PROCR: variants seen among roughly 807,000 people sequenced by gnomAD.
PROCR encodes endothelial protein C receptor.
PROCR carries 22 observed loss-of-function variants against 24.2 expected under a neutral mutation model. That is an observed-to-expected ratio of 0.91 (90% CI 0.65 to 1.30). PROCR has a LOEUF of 1.30. Ranked by LOEUF, PROCR falls within the 50% of genes most tolerant of loss-of-function variation. The pLI, the probability that PROCR is intolerant of heterozygous loss-of-function variation, is 0.00. For synonymous variants in PROCR, 137 were observed against 139.2 expected, an observed-to-expected ratio of 0.98 and a Z score of 0.11; for missense variants, 288 against 307.7, an observed-to-expected ratio of 0.94 and a Z score of 0.48.
downstream of PROCR, among the ~76,000 whole-genome samples, chr20:35,181,020 C>A (rs1332112441): frequency 6.6e-6 from 1 of 152,152 alleles, no homozygotes; most frequent in African/African-American, 2.4e-5. Flanking sequence ...GCATGTGCCA[C>A]CACGCCCGGC....
At chr20:35,193,945 T>C (rs1448228705) in intron 1 of PROCR, among the ~76,000 whole-genome samples, 1 of 152,124 alleles carries the variant, frequency 6.6e-6, no homozygotes, top group Admixed American at 6.5e-5. Flanking sequence ...ATTTAAAGGC[T>C]GGAAATTGAG....
chr20:35,206,466 C>A, intron 1 of PROCR, among the ~76,000 whole-genome samples: 1 of 89,738 alleles, frequency 1.1e-5, no homozygotes, highest in African/African-American at 5.1e-5. Context: ...CAGTGTGAGA[C>A]TCTATCTCAA....
downstream of PROCR, among the ~76,000 whole-genome samples, chr20:35,178,507 G>GTTTTTTTTTTT (rs1203789471): frequency 9.3e-4 from 32 of 34,374 alleles, 7 homozygotes; most frequent in African/African-American, 4.9e-3. Context: ...TCAAGTCTCA[G>GTTTTTTTTTTT]TTTTTTTTTT....
At chr20:35,177,443 C>CTTTTTTTTTTTTTTTTTTT (rs397865849), downstream of PROCR, 1 of 512,368 alleles carries the variant, frequency 2.0e-6, no homozygotes. Flanking sequence ...CTCACTCATT[C>CTTTTTTTTTTTTTTTTTTT]TTTTTTTTTT....
chr20:35,175,097 T>C, intron 2 of PROCR, 144 bp downstream of exon 2: 1 of 1,004,094 alleles, frequency 1.0e-6, no homozygotes, highest in Non-Finnish European at 1.4e-6. Context: ...CGCCTGGGCC[T>C]TTGAAGATTG....
At chr20:35,204,175 A>G (rs1365100267) in intron 1 of PROCR, among the ~76,000 whole-genome samples, 1 of 152,234 alleles carries the variant, frequency 6.6e-6, no homozygotes, top group African/African-American at 2.4e-5. Flanking sequence ...TTGACAACTT[A>G]GAGGAAATGG....
At chr20:35,173,142 G>T (rs749639055) in intron 1 of PROCR, among the ~76,000 whole-genome samples, 23 of 152,060 alleles carry the variant, frequency 1.5e-4, no homozygotes, top group Non-Finnish European at 2.6e-4. Flanking sequence ...TTACAACCCC[G>T]GACTCATCCA....
At chr20:35,198,732 T>G (rs2060308369) in intron 1 of PROCR, among the ~76,000 whole-genome samples, 1 of 151,624 alleles carries the variant, frequency 6.6e-6, no homozygotes, top group African/African-American at 2.4e-5. Flanking sequence ...TTTTTTTTTT[T>G]GAGATGGAGT....
chr20:35,189,660 G>A (rs2086156782), intron 1 of PROCR, among the ~76,000 whole-genome samples: 1 of 152,122 alleles, frequency 6.6e-6, no homozygotes, highest in Non-Finnish European at 1.5e-5. Context: ...CACGGAACCT[G>A]CCGACATGTG....
At chr20:35,180,858 GTT>G (rs150939404), downstream of PROCR, among the ~76,000 whole-genome samples, 1 of 144,492 alleles carries the variant, frequency 6.9e-6, no homozygotes, top group African/African-American at 2.5e-5. Context: ...TTTGTTTTTT[GTT>G]TTTTGTTTTG....
chr20:35,198,523 G>T (rs972419532), intron 1 of PROCR, among the ~76,000 whole-genome samples: 10 of 152,110 alleles, frequency 6.6e-5, no homozygotes, highest in Non-Finnish European at 1.5e-4. Context: ...GCATAAGTTG[G>T]CTCCTGAGGT....
chr20:35,194,593 G>A (rs1047003063), intron 1 of PROCR, among the ~76,000 whole-genome samples: 6 of 152,202 alleles, frequency 3.9e-5, no homozygotes, highest in African/African-American at 1.4e-4. Flanking sequence ...CCTTAAATCT[G>A]TACGTGAGCC....
intron 1 of PROCR, among the ~76,000 whole-genome samples, chr20:35,193,581 C>G (rs1331828308): frequency 6.6e-6 from 1 of 152,134 alleles, no homozygotes; most frequent in East Asian, 1.9e-4. Context: ...CAGTGTTATG[C>G]CTCAATAAAG....
intron 1 of PROCR, among the ~76,000 whole-genome samples, chr20:35,194,524 C>G (rs1389592677): frequency 6.6e-6 from 1 of 152,088 alleles, no homozygotes; most frequent in African/African-American, 2.4e-5. Context: ...ATGGAGAGAC[C>G]AACTTAGCTA....
Position 35,177,188 on chromosome 20 carries a change from A to G in PROCR, c.*375A>G. On this transcript the variant is annotated 3_prime_UTR_variant, in exon 4 of 4. Coordinates refer to ENST00000216968, the MANE Select transcript of PROCR (RefSeq NM_006404.5). ...TAACCAAATAAACAAGTCATCCACA[A>G]TCAAAATACAACATTCAATACTTCC... 8.9e-7 allele frequency: 1 copy of G among 1,127,706 alleles called. No homozygotes were observed. Among genetic ancestry groups the G allele is most frequent in the South Asian group, 2.2e-5 (1 of 45,022 alleles). The allele number at this position is 1,127,706 out of a possible 1,614,324, so 69.9% of individuals were successfully genotyped here. A position where few individuals can be genotyped will look rare whatever the true frequency, so the allele number is the denominator to read the frequency against.
Position 35,176,212 on chromosome 20 carries a change from G to C in PROCR, c.367G>C (p.Glu123Gln). The C allele has an allele frequency of 1.9e-6, 3 of 1,613,528 alleles. 1 individual carries two copies. Among genetic ancestry groups the C allele is most frequent in the Non-Finnish European group, 2.5e-6 (3 of 1,179,768 alleles). ...RCFLGCELPP[E>Q]GSRAHVFFEV... ...CTTCCTGGGCTGTGAGCTGCCTCCC[G>C]AGGGCTCTAGAGCCCATGTCTTCTT... is the stretch of plus-strand genomic sequence containing the variant. The change falls in exon 3 of 4, where the codon GAG becomes CAG. Residue 123 changes from glutamate to glutamine, a missense_variant. Transcript: ENST00000216968.
At chr20:35,208,551 G>A (rs1015995607) in intron 1 of PROCR, among the ~76,000 whole-genome samples, 1 of 152,118 alleles carries the variant, frequency 6.6e-6, no homozygotes, top group Non-Finnish European at 1.5e-5. Context: ...GACTCTCTCA[G>A]TATCCGCGTA....
chr20:35,191,052 G>T (rs780016197), intron 1 of PROCR, among the ~76,000 whole-genome samples: 26 of 152,030 alleles, frequency 1.7e-4, no homozygotes, highest in Non-Finnish European at 2.9e-4. Context: ...TAGAGACAGG[G>T]TTTCACCATG....
chr20:35,204,795 T>C (rs572761028), intron 1 of PROCR, among the ~76,000 whole-genome samples: 3 of 152,324 alleles, frequency 2.0e-5, no homozygotes, highest in Non-Finnish European at 4.4e-5. Flanking sequence ...AGCATGGTCC[T>C]GATGCCAAAA....
Sources: gnomAD v4.1 joint callset for allele counts (sites outside exome capture counted in the v4.1 genomes callset) on GRCh38, gnomAD v4.1.1 for gene constraint, MANE v1.5 for transcripts, NCBI Gene and HGNC (gene_info 2026-07-23, HGNC 2026-07-21) for gene names.